The following ANKRD6 variants were observed in gnomAD, a reference collection of about 807,000 sequenced individuals.
ANKRD6 encodes the protein ankyrin repeat domain 6, also known as ankyrin repeat domain-containing protein 6.
ANKRD6 carries 56 observed loss-of-function variants against 82.3 expected under a neutral mutation model. The observed-to-expected ratio is 0.68, with a 90% CI of 0.55 to 0.85. The LOEUF (loss-of-function observed/expected upper bound fraction) is 0.85. ANKRD6 is among the 40% of genes least tolerant of loss of function. ANKRD6 has a pLI of 0.00. For synonymous variants in ANKRD6, 347 were observed against 352.1 expected (o/e 0.99, Z 0.16); for missense variants, 852 against 907.6 (o/e 0.94, Z 0.79).
chr6:89,609,702 C>G (rs1799724297), intron 5 of ANKRD6, among the ~76,000 whole-genome samples: 1 of 152,126 alleles, frequency 6.6e-6, no homozygotes, highest in Admixed American at 6.5e-5. Flanking sequence ...ACCTCTGCCT[C>G]CCGGGTTCAA....
chr6:89,522,147 A>G (rs1346580199), intron 1 of ANKRD6, among the ~76,000 whole-genome samples: 2 of 151,906 alleles, frequency 1.3e-5, no homozygotes, highest in Non-Finnish European at 2.9e-5. Flanking sequence ...GAGACTTATC[A>G]GGGGGGAATT....
chr6:89,597,123 T>C (rs1018886179), intron 3 of ANKRD6, among the ~76,000 whole-genome samples: 7 of 152,264 alleles, frequency 4.6e-5, no homozygotes, highest in Non-Finnish European at 1.0e-4. Context: ...TAACTATGAC[T>C]GTTTTATGCA....
chr6:89,578,259 C>T (rs1562896782), intron 2 of ANKRD6, among the ~76,000 whole-genome samples: 1 of 147,992 alleles, frequency 6.8e-6, no homozygotes, highest in African/African-American at 2.5e-5. Context: ...GCAAGGAAGA[C>T]GATTAGCTTT....
chr6:89,526,054 G>A (rs1043164099), intron 1 of ANKRD6, among the ~76,000 whole-genome samples: 1 of 152,206 alleles, frequency 6.6e-6, no homozygotes, highest in Non-Finnish European at 1.5e-5. Context: ...GGCTGTGCCC[G>A]CCAAGCCCTG....
At position 89,624,661 on chromosome 6, in the gene ANKRD6, G is replaced by C; in HGVS notation, c.1341G>C (p.Leu447=). ...TTCAGGACAAAATGAATACAAAGCTGGGGCAGATGGAGAATAAGACCCAGC... is the reference window on the plus strand; with the variant it reads ...TTCAGGACAAAATGAATACAAAGCTCGGGCAGATGGAGAATAAGACCCAGC... ...GSVQDKMNTK[L]GQMENKTQHQ... The change falls in exon 13 of 16, where the codon CTG becomes CTC. Residue 447 remains leucine (L), a synonymous_variant. Coordinates refer to ENST00000339746, the MANE Select transcript of ANKRD6 (RefSeq NM_001242809.2). 2 of 1,600,654 alleles carry C rather than the reference G, an allele frequency of 1.2e-6. No individual in the cohort carries two copies. Among genetic ancestry groups the C allele is most frequent in the South Asian group, 2.3e-5 (2 of 88,158 alleles).
chr6:89,483,891 C>G (rs924113694), intron 1 of ANKRD6, among the ~76,000 whole-genome samples: 2 of 152,050 alleles, frequency 1.3e-5, no homozygotes. Flanking sequence ...TTCTGTAGTC[C>G]TCCTCTCTCT....
chr6:89,522,867 C>T (rs1032832970), intron 1 of ANKRD6, among the ~76,000 whole-genome samples: 4 of 152,184 alleles, frequency 2.6e-5, no homozygotes, highest in Non-Finnish European at 4.4e-5. Flanking sequence ...CACCAACAGC[C>T]AGAGCATAAA....
At chr6:89,529,907 G>T (rs1217429100) in intron 1 of ANKRD6, among the ~76,000 whole-genome samples, 1 of 152,148 alleles carries the variant, frequency 6.6e-6, no homozygotes. Flanking sequence ...AACAATTACA[G>T]TAGTAACATA....
intron 1 of ANKRD6, among the ~76,000 whole-genome samples, chr6:89,470,745 A>G (rs934983844): frequency 6.6e-6 from 1 of 152,018 alleles, no homozygotes; most frequent in African/African-American, 2.4e-5. Context: ...TTTTATAGCT[A>G]TCTTTAGACT....
chr6:89,548,130 C>T (rs746123478), intron 1 of ANKRD6, among the ~76,000 whole-genome samples: 2 of 152,168 alleles, frequency 1.3e-5, no homozygotes, highest in African/African-American at 4.8e-5. Context: ...TGTCAGTCAT[C>T]GCCACTAAAT....
At position 89,433,159 on chromosome 6, in the gene ANKRD6, C is replaced by T. The variant is rs1339264572; in HGVS notation, c.-360C>T. 1 of 151,542 alleles carries T rather than the reference C, an allele frequency of 6.6e-6. No homozygotes were observed. Among genetic ancestry groups the T allele is most frequent in the African/African-American group, 2.4e-5 (1 of 41,356 alleles). The allele number at this position is 151,542 out of a possible 1,614,324, so 9.4% of individuals were successfully genotyped here. On this transcript the variant is annotated 5_prime_UTR_variant, in exon 1 of 16. Transcript: ENST00000339746. This position sits in a 1 kb window ranked among gnomAD's most constrained non-coding sequence, Gnocchi z 4.3. ...GGGCCGGCGGGACGGGGCAGAGGGC[C>T]CTGCGGCGGCGGACGCGGCGGGCTC...
At chr6:89,623,665 G>A in intron 11 of ANKRD6, 121 bp downstream of exon 11, 1 of 1,416,760 alleles carries the variant, frequency 7.1e-7, no homozygotes, top group Non-Finnish European at 9.4e-7. Context: ...TTTGGAGCCA[G>A]AGCACAGAAA....
chr6:89,630,957 GA>G lies in ANKRD6; in HGVS notation c.2139del (p.Glu714ArgfsTer6). On this transcript the variant is annotated frameshift_variant, in exon 16 of 16. Transcript: ENST00000339746. LOFTEE classifies it high-confidence loss of function. ...ATLKEHIKSL[E>X]EELAKLRTRV... is the part of the protein sequence containing the mutation. Reference sequence around the variant, plus strand: ...ATTGAAGGAACACATTAAAAGTTTAGAAGAGGAACTTGCCAAACTAAGGACT... The same window carrying G: ...ATTGAAGGAACACATTAAAAGTTTAGAGAGGAACTTGCCAAACTAAGGACT... 1 of 1,591,980 alleles carries G rather than the reference GA, an allele frequency of 6.3e-7. No individual in the cohort carries two copies.
intron 4 of ANKRD6, 26 bp downstream of exon 4, chr6:89,603,153 T>TC: frequency 6.4e-7 from 1 of 1,573,968 alleles, no homozygotes; most frequent in Non-Finnish European, 8.6e-7. Context: ...GCTTCCTTAC[T>TC]CCCCAAGGCA....
At chr6:89,551,008 A>G (rs571515285) in intron 1 of ANKRD6, among the ~76,000 whole-genome samples, 4 of 152,348 alleles carry the variant, frequency 2.6e-5, no homozygotes, top group African/African-American at 9.6e-5. Flanking sequence ...ACATATAAAT[A>G]ATTGGTTTCA....
chr6:89,586,073 C>G (rs983762644), intron 2 of ANKRD6, among the ~76,000 whole-genome samples: 30 of 152,226 alleles, frequency 2.0e-4, no homozygotes, highest in Non-Finnish European at 4.0e-4. Flanking sequence ...TCAATAAGAA[C>G]AAGAAACACC....
intron 1 of ANKRD6, among the ~76,000 whole-genome samples, chr6:89,493,296 A>G (rs1778219779): frequency 1.3e-5 from 2 of 151,972 alleles, no homozygotes; most frequent in African/African-American, 4.8e-5. Context: ...TGGGGATTGT[A>G]TGTATTTCTT....
At chr6:89,532,877 A>G (rs1436651377) in intron 1 of ANKRD6, among the ~76,000 whole-genome samples, 7 of 123,226 alleles carry the variant, frequency 5.7e-5, no homozygotes, top group Admixed American at 8.1e-5. Context: ...GATTTTTTGT[A>G]TTTTTTTTTT....
chr6:89,527,862 T>C lies in ANKRD6; in HGVS notation c.-143-38972T>C, dbSNP rs570162634. Among the ~76,000 whole-genome samples, 228 of 152,050 alleles carry C rather than the reference T, an allele frequency of 1.5e-3. 1 individual carries two copies. The highest frequency in any genetic ancestry group is 2.6e-3 in the Non-Finnish European group (178 of 67,978). On this transcript the variant is annotated intron_variant, in intron 1 of 15. Transcript: ENST00000339746. ...TCTTGCTCTGTCACTCAGGCGGGAGTATAATAGCGCAATCACAGCTCACTG... is the reference window on the plus strand; with the variant it reads ...TCTTGCTCTGTCACTCAGGCGGGAGCATAATAGCGCAATCACAGCTCACTG...
Sources: gnomAD v4.1 joint callset for allele counts (sites outside exome capture counted in the v4.1 genomes callset) on GRCh38, gnomAD v4.1.1 for gene constraint, Gnocchi (gnomAD v3.1) non-coding constraint, MANE v1.5 for transcripts, NCBI Gene and HGNC (gene_info 2026-07-23, HGNC 2026-07-21) for gene names.